GRIA4: variants seen among roughly 807,000 people sequenced by gnomAD.
GRIA4 encodes the protein glutamate ionotropic receptor AMPA type subunit 4, also known as glutamate receptor 4.
A neutral mutation model predicts 104.0 loss-of-function variants in GRIA4; 34 were observed. The ratio of observed to expected loss-of-function variants is 0.33; its 90% CI spans 0.25 to 0.44. GRIA4 has a LOEUF of 0.44. Among genes scored for constraint, GRIA4 ranks in the 20% least tolerant of loss-of-function variants. GRIA4 has a pLI of 1.00. For missense variants in GRIA4, 750 were observed against 1,096.5 expected (o/e 0.68, Z 4.46); for synonymous variants, 386 against 381.9 (o/e 1.01, Z -0.13).
At chr11:105,660,690 T>C (rs2135409720) in intron 3 of GRIA4, among the ~76,000 whole-genome samples, 1 of 151,512 alleles carries the variant, frequency 6.6e-6, no homozygotes, top group East Asian at 1.9e-4. Flanking sequence ...TAACACATAA[T>C]GTAATATTAA....
chr11:105,973,238 G>A (rs562501916), intron 15 of GRIA4, among the ~76,000 whole-genome samples: 5 of 152,250 alleles, frequency 3.3e-5, no homozygotes, highest in African/African-American at 9.6e-5. Context: ...TATAAAACTC[G>A]TTAAGGGTCT....
intron 4 of GRIA4, among the ~76,000 whole-genome samples, chr11:105,847,202 C>T (rs183595455): frequency 1.4e-4 from 22 of 152,262 alleles, no homozygotes; most frequent in Admixed American, 5.9e-4. Context: ...ATTCTCATGA[C>T]GAGCACACAA....
At chr11:105,947,692 C>T (rs772901526) in intron 14 of GRIA4, among the ~76,000 whole-genome samples, 1 of 152,086 alleles carries the variant, frequency 6.6e-6, no homozygotes, top group Non-Finnish European at 1.5e-5. Flanking sequence ...GCTTAAGATA[C>T]CCAACTTCTG....
At chr11:105,917,815 GGTGTGT>G (rs147308478) in intron 10 of GRIA4, among the ~76,000 whole-genome samples, 2,371 of 142,762 alleles carry the variant, frequency 0.017, 32 homozygotes, top group South Asian at 0.026. Flanking sequence ...TTGGTTTAAG[GGTGTGT>G]GTGTGTGTGT....
intron 14 of GRIA4, among the ~76,000 whole-genome samples, chr11:105,950,385 G>A (rs969656501): frequency 6.6e-6 from 1 of 152,170 alleles, no homozygotes; most frequent in Non-Finnish European, 1.5e-5. Flanking sequence ...CTGAGTTTTT[G>A]TGGTTGGGCC....
chr11:105,837,630 A>G (rs1944242638), intron 4 of GRIA4, among the ~76,000 whole-genome samples: 1 of 152,158 alleles, frequency 6.6e-6, no homozygotes, highest in Admixed American at 6.6e-5. Context: ...AAGGCAAAGG[A>G]GAAACACCGT....
intron 3 of GRIA4, among the ~76,000 whole-genome samples, chr11:105,746,911 C>A (rs1395044927): frequency 3.3e-5 from 5 of 152,010 alleles, no homozygotes; most frequent in African/African-American, 1.2e-4. Context: ...GATCACCATA[C>A]AAACGAGGAT....
Position 105,859,740 on chromosome 11 carries a change from A to G in GRIA4, c.488-2284A>G, listed in dbSNP as rs148784228. Among the ~76,000 whole-genome samples the G allele has an allele frequency of 1.8e-3, 277 of 152,292 alleles. 1 individual carries two copies. The highest frequency in any genetic ancestry group is 0.014 in the Middle Eastern group (4 of 294). On this transcript the variant is annotated intron_variant, in intron 4 of 16. Transcript: ENST00000282499. ...TGCAACACTCAAGCAAACAAAAAAA[A>G]TCTTAGCATTATTCTGGTATGATGA...
chr11:105,843,620 G>A (rs1944471269), intron 4 of GRIA4, among the ~76,000 whole-genome samples: 1 of 152,136 alleles, frequency 6.6e-6, no homozygotes, highest in African/African-American at 2.4e-5. Context: ...AAACACTGGA[G>A]ATCTAGAATC....
chr11:105,695,755 AT>A (rs1355924647), intron 3 of GRIA4, among the ~76,000 whole-genome samples: 1 of 151,968 alleles, frequency 6.6e-6, no homozygotes, highest in Non-Finnish European at 1.5e-5. Flanking sequence ...TTTAGTTGCT[AT>A]TTTTTTAAGG....
intron 3 of GRIA4, chr11:105,706,652 G>GCAACAA (rs1953712765): frequency 6.5e-6 from 1 of 152,704 alleles, no homozygotes; most frequent in Admixed American, 6.6e-5. Context: ...GCCAATCCAG[G>GCAACAA]GGAAATCAAG....
At chr11:105,829,710 G>A (rs1253330646) in intron 4 of GRIA4, among the ~76,000 whole-genome samples, 1 of 151,852 alleles carries the variant, frequency 6.6e-6, no homozygotes, top group East Asian at 1.9e-4. Flanking sequence ...TTGCAGAAAG[G>A]GAGAAATGCA....
chr11:105,976,993 G>C (rs1451017975), intron 16 of GRIA4, among the ~76,000 whole-genome samples: 1 of 151,966 alleles, frequency 6.6e-6, no homozygotes, highest in East Asian at 1.9e-4. Flanking sequence ...GTGTATTTGA[G>C]ATTATATGGA....
chr11:105,625,314 G>A (rs534564945), intron 3 of GRIA4, among the ~76,000 whole-genome samples: 1 of 152,072 alleles, frequency 6.6e-6, no homozygotes, highest in South Asian at 2.1e-4. Flanking sequence ...AAGTAGGGGA[G>A]AAAGAGAGAG....
chr11:105,974,179 G>A, intron 15 of GRIA4, 131 bp from the exon 16 acceptor site: 1 of 857,398 alleles, frequency 1.2e-6, no homozygotes, highest in Non-Finnish European at 1.9e-6. Flanking sequence ...CTACATCAGT[G>A]ACTTATACTT....
At chr11:105,924,297 G>A (rs889240763) in intron 11 of GRIA4, 102 bp from the exon 12 acceptor site, 13 of 791,030 alleles carry the variant, frequency 1.6e-5, no homozygotes, top group South Asian at 2.4e-5. Flanking sequence ...AATAAATGTA[G>A]AATAAACGCA....
intron 3 of GRIA4, among the ~76,000 whole-genome samples, chr11:105,634,068 G>A (rs1259493911): frequency 4.6e-5 from 7 of 152,116 alleles, no homozygotes; most frequent in Admixed American, 3.9e-4. Flanking sequence ...TTTGCTTGTG[G>A]CCAGGCATGG....
intron 5 of GRIA4, among the ~76,000 whole-genome samples, chr11:105,883,592 C>G (rs950141138): frequency 1.3e-5 from 2 of 152,080 alleles, no homozygotes; most frequent in African/African-American, 4.8e-5. Context: ...CATGTCCGTG[C>G]AAAGGACACA....
intron 3 of GRIA4, among the ~76,000 whole-genome samples, chr11:105,709,034 T>C (rs896514989): frequency 6.6e-6 from 1 of 152,012 alleles, no homozygotes; most frequent in Non-Finnish European, 1.5e-5. Flanking sequence ...CAGGGCTTCT[T>C]AGTAAAATGG....
Sources: allele counts gnomAD v4.1 joint callset (sites outside exome capture counted in the v4.1 genomes callset), GRCh38; gene constraint gnomAD v4.1.1; transcripts MANE v1.5; gene names NCBI Gene and HGNC (gene_info 2026-07-23, HGNC 2026-07-21).